TPCN1: variants seen among roughly 807,000 people sequenced by gnomAD.
TPCN1 encodes two pore segment channel 1, also known as two pore channel protein 1.
In TPCN1, 52 loss-of-function variants were observed where a neutral mutation model predicts 108.8. That is an observed-to-expected ratio of 0.48 (90% CI 0.38 to 0.60). TPCN1 has a LOEUF of 0.60. TPCN1 is among the 20% of genes least tolerant of loss of function. TPCN1 has a pLI of 0.00. For missense variants in TPCN1, 806 were observed against 1,072.8 expected (o/e 0.75, Z 3.47); for synonymous variants, 446 against 433.7 (o/e 1.03, Z -0.35).
At position 113,272,058 on chromosome 12, in the gene TPCN1, C is replaced by T. The variant is rs1467112963; in HGVS notation, c.749-600C>T. Among the ~76,000 whole-genome samples, 16 of 152,330 alleles carry T rather than the reference C, an allele frequency of 1.1e-4. No homozygotes were observed. In the South Asian group the frequency reaches 3.3e-3, roughly 32 times the overall value. On this transcript the variant is annotated intron_variant, in intron 7 of 27. Coordinates refer to ENST00000335509, the MANE Select transcript of TPCN1 (RefSeq NM_017901.6). The surrounding 1 kb of genome is among the most constrained non-coding windows in gnomAD (Gnocchi z 4.1). ...CTGCCTTGTCCTGAGTCATGGCTCT[C>T]ACTTCCTCCCACCCACCACCCCACT...
At chr12:113,251,632 C>T (rs959459467) in intron 2 of TPCN1, among the ~76,000 whole-genome samples, 4 of 152,244 alleles carry the variant, frequency 2.6e-5, no homozygotes, top group African/African-American at 9.6e-5. Context: ...CCATGGTCAC[C>T]TGTTGCCTTC....
intron 2 of TPCN1, chr12:113,244,400 C>A (rs773892965): frequency 5.1e-6 from 5 of 985,424 alleles, no homozygotes; most frequent in Non-Finnish European, 4.8e-6. Context: ...GGGTTTGGAG[C>A]CTTTACTAAC....
In TPCN1 at chr12:113,269,635, C is replaced by G; in HGVS notation, c.660-122C>G. On this transcript the variant is annotated intron_variant, in intron 6 of 27. Transcript: ENST00000335509. The surrounding 1 kb of genome is among the most constrained non-coding windows in gnomAD (Gnocchi z 5.0). ...GGAAAAAATGAAGCATGATGTCACA[C>G]CAGAGTGCGTCAGGGTTTAGTATTT... The G allele has an allele frequency of 1.2e-6, 1 of 821,824 alleles. No individual in the cohort carries two copies. Among genetic ancestry groups the G allele is most frequent in the Non-Finnish European group, 2.0e-6 (1 of 510,032 alleles). The allele number at this position is 821,824 out of a possible 1,614,324, so 50.9% of individuals were successfully genotyped here.
At chr12:113,285,373 TTC>T (rs967311005) in intron 17 of TPCN1, among the ~76,000 whole-genome samples, 12 of 149,772 alleles carry the variant, frequency 8.0e-5, no homozygotes, top group Non-Finnish European at 1.5e-4. Context: ...CAGGGAGGAT[TTC>T]TCTCTCTTTT....
rs1955563242 is a variant in TPCN1 at position 113,273,223 on chromosome 12, C to T, written c.784-9C>T. On this transcript the variant is annotated splice_polypyrimidine_tract_variant and intron_variant, in intron 8 of 27. Coordinates refer to ENST00000335509, the MANE Select transcript of TPCN1 (RefSeq NM_017901.6). The surrounding 1 kb of genome is among the most constrained non-coding windows in gnomAD (Gnocchi z 4.0). The stretch of plus-strand genomic sequence containing the variant: ...GGTCCCGACTTCTCTGCCCTCTCTT[C>T]CCTTGCAGTACTTCAGCACCCTGGA... 3.7e-6 allele frequency: 6 copies of T among 1,614,096 alleles called. No homozygotes were observed. Among genetic ancestry groups the T allele is most frequent in the Non-Finnish European group, 5.1e-6 (6 of 1,180,012 alleles).
chr12:113,230,846 G>A (rs35651161), intron 2 of TPCN1, among the ~76,000 whole-genome samples: 2,759 of 152,286 alleles, frequency 0.018, 49 homozygotes, highest in Middle Eastern at 0.031. Flanking sequence ...TTGGATTTCT[G>A]GGGCCTCGCA....
chr12:113,296,049 C>T lies in TPCN1; in HGVS notation c.2424C>T (p.Ser808=), dbSNP rs930510387. The T allele has an allele frequency of 6.2e-7, 1 of 1,613,206 alleles. No homozygotes were observed. The highest frequency in any genetic ancestry group is 1.3e-5 in the African/African-American group (1 of 74,934). The change falls in exon 28 of 28, where the codon AGC becomes AGT. Residue 808 remains serine (S), a synonymous_variant. Coordinates refer to ENST00000335509, the MANE Select transcript of TPCN1 (RefSeq NM_017901.6). ...AAPAAQQPPG[S]RQRSQTVT ...CCGCCGCCCAGCAGCCCCCAGGCAGCCGCCAGCGCTCCCAGACCGTTACCT... is the reference window on the plus strand; with the variant it reads ...CCGCCGCCCAGCAGCCCCCAGGCAGTCGCCAGCGCTCCCAGACCGTTACCT...
intron 2 of TPCN1, among the ~76,000 whole-genome samples, chr12:113,243,697 T>C (rs1954236305): frequency 6.6e-6 from 1 of 152,122 alleles, no homozygotes; most frequent in Non-Finnish European, 1.5e-5. Context: ...GAGGTTGCAG[T>C]GAGCCAAGAT....
At chr12:113,262,796 A>T (rs891443097) in intron 3 of TPCN1, among the ~76,000 whole-genome samples, 12 of 152,198 alleles carry the variant, frequency 7.9e-5, no homozygotes, top group Non-Finnish European at 8.8e-5. Context: ...GGCTGTAGTG[A>T]TCATCTCCCA....
Position 113,295,944 on chromosome 12 carries a change from C to T in TPCN1, c.2335-16C>T, listed in dbSNP as rs1438447071. The T allele has an allele frequency of 1.9e-6, 3 of 1,575,032 alleles. No homozygotes were observed. The highest frequency in any genetic ancestry group is 2.6e-6 in the Non-Finnish European group (3 of 1,160,908). The stretch of plus-strand genomic sequence containing the variant: ...TGGGGTGCAGCCCTCAGCACCCCTT[C>T]TGCTCTCTTCTCCAGGAGTGGTATG... On this transcript the variant is annotated splice_polypyrimidine_tract_variant and intron_variant, in intron 27 of 27. Transcript: ENST00000335509.
chr12:113,223,146 A>G (rs1396916077), intron 1 of TPCN1, among the ~76,000 whole-genome samples: 3 of 152,248 alleles, frequency 2.0e-5, no homozygotes, highest in Non-Finnish European at 4.4e-5. Flanking sequence ...GAGGAAACTT[A>G]AGAAAAAAAA....
chr12:113,226,733 G>A lies in TPCN1; in HGVS notation c.-120G>A. 6.4e-7 allele frequency: 1 copy of A among 1,560,164 alleles called. No homozygotes were observed. Among genetic ancestry groups the A allele is most frequent in the Non-Finnish European group, 8.7e-7 (1 of 1,151,578 alleles). ...TTTTAATTCCCAAACCCTAGAAGAT[G>A]CCTCTAATGGAGGAGTTTCTGAGCA... On this transcript the variant is annotated 5_prime_UTR_variant, in exon 2 of 28. The change abolishes an upstream ATG in the 5' untranslated region. Transcript: ENST00000335509.
At position 113,288,794 on chromosome 12, in the gene TPCN1, C is replaced by T. The variant is rs376872087; in HGVS notation, c.1743C>T (p.Phe581=). 17 of 1,613,352 alleles carry T rather than the reference C, an allele frequency of 1.1e-5. No homozygotes were observed. Among genetic ancestry groups the T allele is most frequent in the Admixed American group, 3.3e-5 (2 of 60,004 alleles). The change falls in exon 21 of 28, where the codon TTC becomes TTT. Residue 581 remains phenylalanine (F), a synonymous_variant. Transcript: ENST00000335509. The surrounding 1 kb of genome is among the most constrained non-coding windows in gnomAD (Gnocchi z 4.8). The part of the protein sequence containing the change: ...GLTLLIFYYS[F]AIVGMEFFCG... ...CCCTGCTCATCTTTTACTACTCCTT[C>T]GCCATCGTGGGCATGGAGTTCTTCT...
chr12:113,269,001 C>T lies in TPCN1; in HGVS notation c.659+129C>T. On this transcript the variant is annotated intron_variant, in intron 6 of 27. Coordinates refer to ENST00000335509, the MANE Select transcript of TPCN1 (RefSeq NM_017901.6). The surrounding 1 kb of genome is among the most constrained non-coding windows in gnomAD (Gnocchi z 5.0). ...TGCATGCTGGTGGAGTACACGCAGA[C>T]TCACTCTCCCTCTGCCATTCCATCC... is the stretch of plus-strand genomic sequence containing the variant. 1 of 1,020,834 alleles carries T rather than the reference C, an allele frequency of 9.8e-7. No individual in the cohort carries two copies. The highest frequency in any genetic ancestry group is 1.5e-6 in the Non-Finnish European group (1 of 687,854). The allele number at this position is 1,020,834 out of a possible 1,614,324, so 63.2% of individuals were successfully genotyped here.
Position 113,269,839 on chromosome 12 carries a change from A to G in TPCN1, c.742A>G (p.Ile248Val), listed in dbSNP as rs1955421923. ...GCTGTTCTTCATGATCATCTTTGCC[A>G]TCCTCGGTGAGTTCCCGCCTCTCAG... Reference protein sequence around the residue: ...LLLFFMIIFAILGFYLFSPNP... With the variant: ...LLLFFMIIFAVLGFYLFSPNP... Residue 248 changes from isoleucine to valine, a missense_variant, in exon 7 of 28, where the codon ATC becomes GTC. Ile to Val is a conservative substitution (Grantham distance 29). Transcript: ENST00000335509. The surrounding 1 kb of genome is among the most constrained non-coding windows in gnomAD (Gnocchi z 5.0). The G allele has an allele frequency of 6.2e-7, 1 of 1,613,762 alleles. No individual in the cohort carries two copies. The highest frequency in any genetic ancestry group is 8.5e-7 in the Non-Finnish European group (1 of 1,179,966).
chr12:113,282,747 A>AC (rs753326746), intron 15 of TPCN1, among the ~76,000 whole-genome samples: 9 of 147,852 alleles, frequency 6.1e-5, no homozygotes, highest in African/African-American at 1.3e-4. Flanking sequence ...ACAGAGTGAG[A>AC]CCCCCCTATC....
At chr12:113,244,706 C>T (rs1593103655) in intron 2 of TPCN1, 1 of 985,428 alleles carries the variant, frequency 1.0e-6, no homozygotes, top group East Asian at 1.1e-4. Flanking sequence ...CGTTGTCATT[C>T]TGGTAGGCGC....
At chr12:113,235,383 G>A (rs556398548) in intron 2 of TPCN1, among the ~76,000 whole-genome samples, 6 of 152,018 alleles carry the variant, frequency 3.9e-5, no homozygotes, top group Admixed American at 1.3e-4. Flanking sequence ...ACTTTAGACC[G>A]CTACTGTTTT....
rs1472696300 is a variant in TPCN1, at chr12:113,273,068, C to A, written c.784-164C>A. Among the ~76,000 whole-genome samples the A allele has an allele frequency of 6.6e-6, 1 of 152,210 alleles. No individual in the cohort carries two copies. The highest frequency in any genetic ancestry group is 6.5e-5 in the Admixed American group (1 of 15,286). ...AGCATCAGGTGCAGGAAAGGGGAGG[C>A]CTCTGGACTGCATGTTTGCTCTTTC... is the stretch of plus-strand genomic sequence containing the variant. On this transcript the variant is annotated intron_variant, in intron 8 of 27. Coordinates refer to ENST00000335509, the MANE Select transcript of TPCN1 (RefSeq NM_017901.6). The surrounding 1 kb of genome is among the most constrained non-coding windows in gnomAD (Gnocchi z 4.0).
Sources: allele counts gnomAD v4.1 joint callset (sites outside exome capture counted in the v4.1 genomes callset), GRCh38; gene constraint gnomAD v4.1.1; non-coding constraint Gnocchi (gnomAD v3.1); transcripts MANE v1.5; gene names NCBI Gene and HGNC (gene_info 2026-07-23, HGNC 2026-07-21).